The following CNTN5 variants were observed in gnomAD, a reference collection of about 807,000 sequenced individuals.
CNTN5 encodes contactin 5, also known as contactin-5.
Under a neutral mutation model 129.1 loss-of-function variants are expected in CNTN5, and 77 were observed. The ratio of observed to expected loss-of-function variants is 0.60; its 90% confidence interval spans 0.50 to 0.72. The LOEUF (loss-of-function observed/expected upper bound fraction) is 0.72, where lower values mean the gene tolerates loss of function less well. Among genes scored for constraint, CNTN5 ranks in the 30% least tolerant of loss-of-function variants. The pLI is 0.00. For synonymous variants in CNTN5, 509 were observed against 465.6 expected, an observed-to-expected ratio of 1.09 and a Z score of -1.20; for missense variants, 1,478 against 1,328.8, an observed-to-expected ratio of 1.11 and a Z score of -1.75.
At chr11:99,131,180 G>A (rs1223131694) in intron 1 of CNTN5, among the ~76,000 whole-genome samples, 24 of 139,590 alleles carry the variant, frequency 1.7e-4, no homozygotes, top group East Asian at 1.3e-3. Flanking sequence ...CCTGGGAGGC[G>A]GAGCTTGCAG....
chr11:99,446,946 C>G (rs1178135895), intron 2 of CNTN5, among the ~76,000 whole-genome samples: 1 of 152,120 alleles, frequency 6.6e-6, no homozygotes, highest in African/African-American at 2.4e-5. Flanking sequence ...CTTACTTGGT[C>G]TGGCTCTTGT....
In CNTN5 at chr11:99,644,675, T is replaced by C. The variant is rs183982045; in HGVS notation, c.55+88406T>C. Among the ~76,000 whole-genome samples, 217 of 152,296 alleles carry C rather than the reference T, an allele frequency of 1.4e-3. 1 individual carries two copies. Among genetic ancestry groups the C allele is most frequent in the African/African-American group, 5.1e-3 (211 of 41,560 alleles). ...GTTGGTCAATTCAACTAAATTTATTTTGGCAAATTATATTAAATATTTACT... is the reference window on the plus strand; with the variant it reads ...GTTGGTCAATTCAACTAAATTTATTCTGGCAAATTATATTAAATATTTACT... On this transcript the variant is annotated intron_variant, in intron 3 of 24. Transcript: ENST00000524871.
At chr11:99,961,097 C>T (rs994225457) in intron 8 of CNTN5, among the ~76,000 whole-genome samples, 4 of 148,706 alleles carry the variant, frequency 2.7e-5, no homozygotes, top group East Asian at 2.1e-4. Flanking sequence ...CCCCACTACC[C>T]GGGAGGCTGA....
At chr11:100,334,306 A>C (rs1050818546) in intron 21 of CNTN5, among the ~76,000 whole-genome samples, 12 of 152,210 alleles carry the variant, frequency 7.9e-5, no homozygotes, top group Admixed American at 6.5e-5. Context: ...ATGTGGTGAA[A>C]AAGTTACACT....
intron 16 of CNTN5, 57 bp from the exon 17 acceptor site, chr11:100,255,699 ATTTC>A (rs2138726010): frequency 6.9e-7 from 1 of 1,447,006 alleles, no homozygotes; most frequent in African/African-American, 1.4e-5. Flanking sequence ...TGGAAATATA[ATTTC>A]TCATGGCTCC....
intron 7 of CNTN5, among the ~76,000 whole-genome samples, chr11:99,955,702 GT>G (rs956098846): frequency 2.0e-5 from 3 of 151,714 alleles, no homozygotes; most frequent in African/African-American, 7.3e-5. Context: ...AGGACTACTG[GT>G]GCCCACCACC....
At chr11:100,044,371 T>C (rs1455096822) in intron 9 of CNTN5, among the ~76,000 whole-genome samples, 2 of 152,076 alleles carry the variant, frequency 1.3e-5, no homozygotes, top group Non-Finnish European at 2.9e-5. Flanking sequence ...AATTGAATGG[T>C]AGTTCTTTCT....
chr11:99,987,524 AATATATATAT>A (rs10674388), intron 8 of CNTN5, among the ~76,000 whole-genome samples: 1 of 141,336 alleles, frequency 7.1e-6, no homozygotes, highest in South Asian at 2.2e-4. Flanking sequence ...TGTATTTATG[AATATATATAT>A]ATATATATAC....
intron 1 of CNTN5, among the ~76,000 whole-genome samples, chr11:99,103,196 AT>A (rs1184416851): frequency 1.3e-5 from 2 of 152,172 alleles, no homozygotes; most frequent in Non-Finnish European, 2.9e-5. Context: ...CATGGGAATT[AT>A]GGGAGCTGCA....
At chr11:99,363,002 C>T (rs1009770238) in intron 2 of CNTN5, among the ~76,000 whole-genome samples, 26 of 151,738 alleles carry the variant, frequency 1.7e-4, no homozygotes, top group Non-Finnish European at 3.1e-4. Context: ...TATTCAAAGC[C>T]GCTTGAGATT....
rs78714723 is a variant in CNTN5, at chr11:99,265,319, T to C, written c.-209-60027T>C. Among the ~76,000 whole-genome samples, 584 of 152,132 alleles carry C rather than the reference T, an allele frequency of 3.8e-3. 2 individuals carry two copies. Among genetic ancestry groups the C allele is most frequent in the Non-Finnish European group, 6.7e-3 (456 of 67,942 alleles). ...TGAATCATTTATTTTAATAGGTATT[T>C]AGTAAGAAAGAGTATAGATTTATCA... On this transcript the variant is annotated intron_variant, in intron 1 of 24. Coordinates refer to ENST00000524871, the MANE Select transcript of CNTN5 (RefSeq NM_014361.4).
At chr11:100,259,024 C>T (rs947634863) in intron 17 of CNTN5, among the ~76,000 whole-genome samples, 9 of 152,074 alleles carry the variant, frequency 5.9e-5, no homozygotes, top group African/African-American at 1.9e-4. Context: ...AGTCAAGACC[C>T]ATCAGTGTGC....
intron 6 of CNTN5, among the ~76,000 whole-genome samples, chr11:99,907,916 T>C (rs947095764): frequency 3.9e-5 from 6 of 152,062 alleles, no homozygotes; most frequent in African/African-American, 7.2e-5. Context: ...TAATGGGTAT[T>C]AGGAAAATTC....
chr11:100,257,813 T>C (rs975779802), intron 17 of CNTN5, among the ~76,000 whole-genome samples: 4 of 152,056 alleles, frequency 2.6e-5, no homozygotes, highest in Non-Finnish European at 2.9e-5. Context: ...CAAAGATAGA[T>C]AAATCCACAA....
intron 1 of CNTN5, among the ~76,000 whole-genome samples, chr11:99,295,703 C>T (rs1591483728): frequency 2.7e-5 from 4 of 150,856 alleles, no homozygotes; most frequent in South Asian, 2.1e-4. Context: ...GGTGAAACCC[C>T]GTCTCTACTA....
intron 2 of CNTN5, among the ~76,000 whole-genome samples, chr11:99,400,551 A>G (rs979505042): frequency 1.3e-5 from 2 of 152,138 alleles, no homozygotes; most frequent in Non-Finnish European, 1.5e-5. Flanking sequence ...GGGAGTGCAG[A>G]TATCTCTTCC....
At chr11:99,660,569 A>G (rs1206687674) in intron 3 of CNTN5, among the ~76,000 whole-genome samples, 1 of 152,186 alleles carries the variant, frequency 6.6e-6, no homozygotes, top group Non-Finnish European at 1.5e-5. Context: ...TGCCTGAATT[A>G]GGGTAGTAAC....
chr11:99,858,513 A>G (rs1371839342), intron 6 of CNTN5, among the ~76,000 whole-genome samples: 6 of 151,882 alleles, frequency 4.0e-5, no homozygotes, highest in South Asian at 4.2e-4. Context: ...CCTAAATTCC[A>G]TTATAAGAAT....
At chr11:99,521,605 G>A (rs1220589642) in intron 2 of CNTN5, among the ~76,000 whole-genome samples, 2 of 152,108 alleles carry the variant, frequency 1.3e-5, no homozygotes, top group African/African-American at 4.8e-5. Context: ...TGTAAATAAA[G>A]TTTGCTTTAA....
Sources: allele counts gnomAD v4.1 joint callset (sites outside exome capture counted in the v4.1 genomes callset), GRCh38; gene constraint gnomAD v4.1.1; transcripts MANE v1.5; gene names NCBI Gene and HGNC (gene_info 2026-07-23, HGNC 2026-07-21).